Variants in ARHGAP32 observed in about 807,000 individuals in gnomAD.
ARHGAP32 encodes rho GTPase-activating protein 32.
Under a neutral mutation model 186.5 loss-of-function variants are expected in ARHGAP32, and 51 were observed. The ratio of observed to expected loss-of-function variants is 0.27; its 90% CI spans 0.22 to 0.35. The LOEUF (loss-of-function observed/expected upper bound fraction) is 0.35, where lower values mean the gene tolerates loss of function less well. Ranked by LOEUF, ARHGAP32 falls within the 10% of genes least tolerant of loss-of-function variation. The pLI is 1.00. For synonymous variants in ARHGAP32, 950 were observed against 964.3 expected, an observed-to-expected ratio of 0.99 and a Z score of 0.27; for missense variants, 2,186 against 2,623.5, an observed-to-expected ratio of 0.83 and a Z score of 3.64.
At chr11:129,203,797 G>C (rs1235551352) in intron 1 of ARHGAP32, among the ~76,000 whole-genome samples, 5 of 149,910 alleles carry the variant, frequency 3.3e-5, no homozygotes, top group Non-Finnish European at 5.9e-5. Context: ...AGCTACTCGG[G>C]AGGCTGAGGT....
chr11:129,187,746 G>A (rs904328331), intron 1 of ARHGAP32, among the ~76,000 whole-genome samples: 1 of 152,118 alleles, frequency 6.6e-6, no homozygotes, highest in Non-Finnish European at 1.5e-5. Context: ...AATCCCAGAT[G>A]TTTCTTCAAG....
At chr11:129,244,450 T>A (rs1331974620) in intron 1 of ARHGAP32, among the ~76,000 whole-genome samples, 3 of 152,238 alleles carry the variant, frequency 2.0e-5, no homozygotes, top group African/African-American at 7.2e-5. Context: ...AAACGTTTTC[T>A]AAAAGGATTA....
At chr11:129,245,523 G>A (rs550868236) in intron 1 of ARHGAP32, among the ~76,000 whole-genome samples, 51 of 147,130 alleles carry the variant, frequency 3.5e-4, no homozygotes, top group Admixed American at 3.1e-3. Flanking sequence ...TGGGTGCAGC[G>A]CACCAGCATG....
chr11:129,146,576 G>T (rs1356418505), intron 2 of ARHGAP32, among the ~76,000 whole-genome samples: 1 of 151,892 alleles, frequency 6.6e-6, no homozygotes. Context: ...TTTACTTTTA[G>T]TAATTCAGAA....
rs760897254 is a variant in ARHGAP32, at chr11:128,972,536, G to A, written c.3970C>T (p.Pro1324Ser). Residue 1324 changes from proline (P) to serine (S), a missense_variant, in exon 22 of 23, where the codon CCT (proline) becomes TCT (serine). By Grantham distance (74) the Pro-to-Ser change is moderately conservative (BLOSUM62 -1). Coordinates refer to ENST00000682385, the MANE Select transcript of ARHGAP32 (RefSeq NM_001378024.1). The stretch of plus-strand genomic sequence containing the variant: ...GGCTGCTCTGCAGATCTCTGGGAAG[G>A]CGGAGGGGGAAGGGGACGATTAGTT... ...HRTNRPLPPP[P>S]SQRSAEQPPV... 5.1e-6 allele frequency: 8 copies of A among 1,563,750 alleles called. No individual in the cohort carries two copies. Among genetic ancestry groups the A allele is most frequent in the African/African-American group, 1.4e-5 (1 of 73,784 alleles).
intron 6 of ARHGAP32, among the ~76,000 whole-genome samples, chr11:129,079,404 C>T (rs1941153127): frequency 6.6e-6 from 1 of 152,154 alleles, no homozygotes; most frequent in African/African-American, 2.4e-5. Flanking sequence ...GATTTCTCAG[C>T]AGAAACCTTA....
intron 1 of ARHGAP32, among the ~76,000 whole-genome samples, chr11:129,271,401 T>C (rs915307381): frequency 3.3e-5 from 5 of 152,126 alleles, no homozygotes; most frequent in African/African-American, 1.2e-4. Flanking sequence ...TCCGGGGTTC[T>C]GGCCTGCGCA....
At chr11:129,213,301 C>A (rs1332262997) in intron 1 of ARHGAP32, among the ~76,000 whole-genome samples, 3 of 152,128 alleles carry the variant, frequency 2.0e-5, no homozygotes. Context: ...TGAGTTAAAC[C>A]AGAAAAATAC....
chr11:129,108,237 C>T (rs1270674807), intron 5 of ARHGAP32, among the ~76,000 whole-genome samples: 1 of 152,116 alleles, frequency 6.6e-6, no homozygotes, highest in Non-Finnish European at 1.5e-5. Context: ...ACAATCCAAC[C>T]ACTTGCTTTC....
chr11:129,185,502 A>C (rs931838536), intron 1 of ARHGAP32, among the ~76,000 whole-genome samples: 1 of 152,180 alleles, frequency 6.6e-6, no homozygotes, highest in Admixed American at 6.5e-5. Context: ...ACCTAATGTA[A>C]ATGACGAGTT....
chr11:128,970,551 T>C lies in ARHGAP32; in HGVS notation c.4662A>G (p.Pro1554=), dbSNP rs1251421944. 1.2e-6 allele frequency: 2 copies of C among 1,614,066 alleles called. No homozygotes were observed. The highest frequency in any genetic ancestry group is 1.7e-6 in the Non-Finnish European group (2 of 1,180,028). The part of the protein sequence containing the change: ...MGLRYNTYVA[P]GRNASGHHSK... Reference sequence around the variant, plus strand: ...AGTGGTGTCCAGATGCGTTTCTTCCTGGGGCCACATATGTGTTATAACGAA... The same window carrying C: ...AGTGGTGTCCAGATGCGTTTCTTCCCGGGGCCACATATGTGTTATAACGAA... The change falls in exon 23 of 23, where the codon CCA becomes CCG. Residue 1554 remains proline, a synonymous_variant. Coordinates refer to ENST00000682385, the MANE Select transcript of ARHGAP32 (RefSeq NM_001378024.1). The surrounding 1 kb of genome is among the most constrained non-coding windows in gnomAD (Gnocchi z 5.8).
At chr11:129,024,681 T>C (rs1290555928) in intron 11 of ARHGAP32, among the ~76,000 whole-genome samples, 1 of 152,220 alleles carries the variant, frequency 6.6e-6, no homozygotes, top group East Asian at 1.9e-4. Flanking sequence ...AATCCAGAAT[T>C]AAACAAGTTT....
chr11:129,233,031 G>A (rs1051379733), intron 1 of ARHGAP32, among the ~76,000 whole-genome samples: 1 of 151,984 alleles, frequency 6.6e-6, no homozygotes, highest in Admixed American at 6.6e-5. Context: ...GTACACTTAA[G>A]ACATGAATTT....
rs552112845 is a variant in ARHGAP32 at position 128,971,085 on chromosome 11, G to A, written c.4128C>T (p.Ile1376=). 1.9e-6 allele frequency: 3 copies of A among 1,614,224 alleles called. No individual in the cohort carries two copies. The East Asian group carries it at 6.7e-5, about 36-fold the overall frequency. ...RAMDDPASAF[I]SDSGAAAAQC... ...GAGCAGCAGCAGCACCACTGTCACT[G>A]ATGAAGGCAGACGCAGGGTCATCCA... The change falls in exon 23 of 23, where the codon ATC becomes ATT. Residue 1376 remains isoleucine (I), a synonymous_variant. Coordinates refer to ENST00000682385, the MANE Select transcript of ARHGAP32 (RefSeq NM_001378024.1).
At position 129,056,695 on chromosome 11, in the gene ARHGAP32, T is replaced by C. The variant is rs188078884; in HGVS notation, c.963+5585A>G. On this transcript the variant is annotated intron_variant, in intron 10 of 22. Transcript: ENST00000682385. ...AGATCACACACACATAGTGTGACCT[T>C]GACAAAAGAAAACTGGAGTCCAGAT... Among the ~76,000 whole-genome samples, 463 of 152,246 alleles carry C rather than the reference T, an allele frequency of 3.0e-3. 7 individuals carry two copies. The highest frequency in any genetic ancestry group is 0.011 in the African/African-American group (442 of 41,546).
intron 16 of ARHGAP32, 118 bp downstream of exon 16, chr11:128,981,711 T>G: frequency 8.8e-7 from 1 of 1,131,816 alleles, no homozygotes; most frequent in Admixed American, 2.6e-5. Flanking sequence ...TTTAGGGAGA[T>G]GCAAATAAAA....
In ARHGAP32 at chr11:128,965,364, T is replaced by C. The variant is rs1216563245; in HGVS notation, c.*3543A>G. Reference sequence around the variant, plus strand: ...AATTTACACCAGTTCACAAAAATATTAAGACATAAAAAAACACTATATAAA... The same window carrying C: ...AATTTACACCAGTTCACAAAAATATCAAGACATAAAAAAACACTATATAAA... On this transcript the variant is annotated 3_prime_UTR_variant, in exon 23 of 23. Coordinates refer to ENST00000682385, the MANE Select transcript of ARHGAP32 (RefSeq NM_001378024.1). The C allele has an allele frequency of 1.3e-5, 2 of 151,964 alleles. No individual in the cohort carries two copies. Among genetic ancestry groups the C allele is most frequent in the Non-Finnish European group, 2.9e-5 (2 of 67,998 alleles). The allele number at this position is 151,964 out of a possible 1,614,324, so 9.4% of individuals were successfully genotyped here. A position where few individuals can be genotyped will look rare whatever the true frequency, so the allele number is the denominator to read the frequency against.
intron 15 of ARHGAP32, among the ~76,000 whole-genome samples, chr11:128,985,037 T>C (rs935393670): frequency 2.0e-5 from 3 of 152,202 alleles, no homozygotes; most frequent in African/African-American, 7.2e-5. Context: ...AGAATTTTTT[T>C]TTAAATGGAG....
intron 5 of ARHGAP32, among the ~76,000 whole-genome samples, chr11:129,118,127 T>TA (rs1942424230): frequency 6.6e-6 from 1 of 151,984 alleles, no homozygotes; most frequent in Non-Finnish European, 1.5e-5. Context: ...TATCCAAACT[T>TA]AAATGCACTT....
Sources: gnomAD v4.1 joint callset for allele counts (sites outside exome capture counted in the v4.1 genomes callset) on GRCh38, gnomAD v4.1.1 for gene constraint, Gnocchi (gnomAD v3.1) non-coding constraint, MANE v1.5 for transcripts, NCBI Gene and HGNC (gene_info 2026-07-23, HGNC 2026-07-21) for gene names.